The following MYO3B variants were observed in gnomAD, a reference collection of about 807,000 sequenced individuals.
MYO3B encodes myosin IIIB, also known as myosin-IIIb.
MYO3B carries 156 observed loss-of-function variants against 174.6 expected under a neutral mutation model. The ratio of observed to expected loss-of-function variants is 0.89; its 90% CI spans 0.78 to 1.02. The LOEUF is 1.02. MYO3B is among the 50% of genes least tolerant of loss of function. MYO3B has a pLI of 0.00. For synonymous variants in MYO3B, 563 were observed against 569.1 expected, an observed-to-expected ratio of 0.99 and a Z score of 0.15; for missense variants, 1,632 against 1,639.4, an observed-to-expected ratio of 1.00 and a Z score of 0.08.
At chr2:170,438,044 T>C (rs370708319) in intron 22 of MYO3B, among the ~76,000 whole-genome samples, 34 of 152,324 alleles carry the variant, frequency 2.2e-4, no homozygotes, top group Admixed American at 3.9e-4. Flanking sequence ...TTTCATATTA[T>C]GTGACTAAAA....
rs1698435415 is a variant in MYO3B at position 170,647,016 on chromosome 2, A to G, written c.3734-4612A>G. ...AGTTTTGTTACTGTCCATCATATGG[A>G]ACGTTTTACTTTAATATAATTAAAC... On this transcript the variant is annotated intron_variant, in intron 32 of 34. Transcript: ENST00000408978. 7 of 858,498 alleles carry G rather than the reference A, an allele frequency of 8.2e-6. No individual in the cohort carries two copies. The South Asian group carries it at 8.5e-5, about 10-fold the overall frequency. 53.2% of individuals were successfully genotyped at this position (858,498 alleles called of 1,614,324 possible).
intron 6 of MYO3B, among the ~76,000 whole-genome samples, chr2:170,218,587 G>A (rs1397569312): frequency 6.6e-6 from 1 of 152,160 alleles, no homozygotes; most frequent in Admixed American, 6.5e-5. Flanking sequence ...CTACAACCAC[G>A]TACCATGCGG....
intron 1 of MYO3B, among the ~76,000 whole-genome samples, chr2:170,189,533 G>A (rs2092513048): frequency 6.7e-6 from 1 of 149,404 alleles, no homozygotes; most frequent in Non-Finnish European, 1.5e-5. Flanking sequence ...TTTTTCTTTT[G>A]TCTACTCTGA....
At chr2:170,444,220 G>A (rs1237522353) in intron 23 of MYO3B, among the ~76,000 whole-genome samples, 174 bp downstream of exon 23, 1 of 152,170 alleles carries the variant, frequency 6.6e-6, no homozygotes, top group Non-Finnish European at 1.5e-5. Context: ...AAACATCATG[G>A]AATCCTTACA....
intron 7 of MYO3B, among the ~76,000 whole-genome samples, chr2:170,331,787 G>A (rs527519962): frequency 5.3e-5 from 8 of 152,264 alleles, no homozygotes; most frequent in South Asian, 2.1e-4. Flanking sequence ...GCTGAGGCCC[G>A]TTTCCATCTT....
At chr2:170,217,252 GTCTGCC>G in intron 5 of MYO3B, 61 bp from the exon 6 acceptor site, 1 of 1,416,386 alleles carries the variant, frequency 7.1e-7, no homozygotes, top group Non-Finnish European at 1.0e-6. Context: ...TGTGGAAAAA[GTCTGCC>G]GATTGCTGGT....
chr2:170,650,514 T>TAAAC (rs970556276), intron 32 of MYO3B, among the ~76,000 whole-genome samples: 1 of 151,980 alleles, frequency 6.6e-6, no homozygotes, highest in Non-Finnish European at 1.5e-5. Flanking sequence ...AGCTTTTCTC[T>TAAAC]AAACAACAAC....
chr2:170,434,234 G>A lies in MYO3B; in HGVS notation c.2651-9733G>A, dbSNP rs553626651. On this transcript the variant is annotated intron_variant, in intron 22 of 34. Transcript: ENST00000408978. ...AGAATGGGTCTTGCTCTGTTGCCCA[G>A]GCTAGAGTACAGTGGTGTGATCATG... is the stretch of plus-strand genomic sequence containing the variant. Among the ~76,000 whole-genome samples the A allele has an allele frequency of 2.6e-5, 4 of 152,242 alleles. No homozygotes were observed. In the South Asian group the frequency reaches 6.2e-4, roughly 24 times the overall value.
At chr2:170,618,952 A>G (rs1374857258) in intron 32 of MYO3B, among the ~76,000 whole-genome samples, 3 of 152,236 alleles carry the variant, frequency 2.0e-5, no homozygotes, top group Admixed American at 2.0e-4. Flanking sequence ...CAATCTTTCC[A>G]TAACCTATGA....
At chr2:170,238,638 C>T (rs2093097995) in intron 7 of MYO3B, among the ~76,000 whole-genome samples, 1 of 152,090 alleles carries the variant, frequency 6.6e-6, no homozygotes, top group Non-Finnish European at 1.5e-5. Flanking sequence ...AGTAAATTAC[C>T]CAGTAAGGGA....
chr2:170,420,249 T>A (rs1046358094), intron 22 of MYO3B, among the ~76,000 whole-genome samples: 1 of 151,996 alleles, frequency 6.6e-6, no homozygotes, highest in Non-Finnish European at 1.5e-5. Context: ...GAATGAATTA[T>A]CAAAACCATA....
intron 7 of MYO3B, among the ~76,000 whole-genome samples, chr2:170,241,002 A>G (rs1219573734): frequency 1.3e-5 from 2 of 152,212 alleles, no homozygotes; most frequent in African/African-American, 4.8e-5. Flanking sequence ...ATTCTCACCC[A>G]GAAGTTTCTG....
Position 170,519,436 on chromosome 2 carries a change from A to C in MYO3B, c.3473-2A>C. The C allele has an allele frequency of 6.2e-7, 1 of 1,613,116 alleles. No homozygotes were observed. Among genetic ancestry groups the C allele is most frequent in the South Asian group, 1.1e-5 (1 of 91,002 alleles). On this transcript the variant is annotated splice_acceptor_variant, in intron 29 of 34. Coordinates refer to ENST00000408978, the MANE Select transcript of MYO3B (RefSeq NM_138995.5). LOFTEE classifies it high-confidence loss of function. ...GCTTAGCCCTCCTTTCTTTTCTCTC[A>C]GTTCTCAGGGGCTCTGTACATCGTA...
chr2:170,314,121 C>T (rs1474119334), intron 7 of MYO3B, among the ~76,000 whole-genome samples: 1 of 152,106 alleles, frequency 6.6e-6, no homozygotes, highest in African/African-American at 2.4e-5. Context: ...ATTCCTGGCG[C>T]ACATCTTTTA....
chr2:170,212,184 G>A (rs1277639882), intron 3 of MYO3B, among the ~76,000 whole-genome samples: 3 of 151,592 alleles, frequency 2.0e-5, no homozygotes, highest in African/African-American at 4.9e-5. Flanking sequence ...CGGAGTTTGT[G>A]GTGAGCCAAG....
chr2:170,356,770 T>C (rs999716703), intron 8 of MYO3B, among the ~76,000 whole-genome samples: 1 of 152,180 alleles, frequency 6.6e-6, no homozygotes. Flanking sequence ...TATTTATTTT[T>C]ATTTTTATCT....
Position 170,466,658 on chromosome 2 carries a change from C to T in MYO3B, c.2961C>T (p.Ser987=), listed in dbSNP as rs199917977. The T allele has an allele frequency of 1.9e-6, 3 of 1,614,218 alleles. No homozygotes were observed. The highest frequency in any genetic ancestry group is 2.7e-5 in the African/African-American group (2 of 75,054). Residue 987 remains serine, a synonymous_variant, in exon 25 of 35, where the codon AGC becomes AGT. Transcript: ENST00000408978. ...LRSTGILETV[S]IRRQGYSHRI... is the part of the protein sequence containing the mutation. ...CCACAGGGATTCTGGAGACAGTCAG[C>T]ATCCGCCGCCAGGGCTATTCCCACC...
intron 32 of MYO3B, among the ~76,000 whole-genome samples, chr2:170,574,393 T>G (rs1406550844): frequency 6.6e-6 from 1 of 152,166 alleles, no homozygotes; most frequent in Non-Finnish European, 1.5e-5. Context: ...ATATTTTCCT[T>G]TTGCCCAAGG....
chr2:170,497,628 G>T (rs1355436675), intron 25 of MYO3B, among the ~76,000 whole-genome samples: 2 of 129,412 alleles, frequency 1.5e-5, no homozygotes, highest in East Asian at 4.8e-4. Context: ...AAAAAAAAAA[G>T]AAATACACAA....
Sources: gnomAD v4.1 joint callset for allele counts (sites outside exome capture counted in the v4.1 genomes callset) on GRCh38, gnomAD v4.1.1 for gene constraint, MANE v1.5 for transcripts, NCBI Gene and HGNC (gene_info 2026-07-23, HGNC 2026-07-21) for gene names.